Variants in BBS7 observed in about 807,000 individuals in gnomAD.
BBS7 encodes BBSome complex member BBS7.
Under a neutral mutation model 90.3 loss-of-function variants are expected in BBS7, and 50 were observed. The observed-to-expected ratio is 0.55, with a 90% confidence interval of 0.44 to 0.70. The LOEUF (loss-of-function observed/expected upper bound fraction) is 0.70, where lower values mean the gene tolerates loss of function less well. Among genes scored for constraint, BBS7 ranks in the 30% least tolerant of loss-of-function variants. The probability of loss-of-function intolerance (pLI) is 0.00; values close to 1 mark genes in which losing one functional copy is unlikely to be tolerated. For synonymous variants in BBS7, 235 were observed against 287.4 expected, an observed-to-expected ratio of 0.82 and a Z score of 1.85; for missense variants, 729 against 838.9, an observed-to-expected ratio of 0.87 and a Z score of 1.62.
intron 1 of BBS7, among the ~76,000 whole-genome samples, chr4:121,868,306 C>T (rs1265260347): frequency 6.6e-6 from 1 of 152,108 alleles, no homozygotes; most frequent in Non-Finnish European, 1.5e-5. Flanking sequence ...TAAAAAATAT[C>T]TCTAGAAGCC....
intron 12 of BBS7, among the ~76,000 whole-genome samples, chr4:121,842,249 CTCA>C (rs1725775898): frequency 1.0e-4 from 10 of 96,272 alleles, no homozygotes; most frequent in African/African-American, 4.7e-4. Context: ...GAGACTCCAT[CTCA>C]AAAAAAAAAA....
chr4:121,835,307 T>C (rs767303895), intron 13 of BBS7, 24 bp from the exon 14 acceptor site: 2 of 1,612,608 alleles, frequency 1.2e-6, no homozygotes, highest in South Asian at 2.2e-5. Context: ...AAAGAGGAAA[T>C]AAAATAAGAA....
intron 13 of BBS7, among the ~76,000 whole-genome samples, chr4:121,836,646 A>G (rs1424485152): frequency 1.3e-5 from 2 of 152,216 alleles, no homozygotes; most frequent in East Asian, 3.8e-4. Flanking sequence ...TTCTACAAGC[A>G]ATGCTGCAAT....
Position 121,855,496 on chromosome 4 carries a change from T to C in BBS7, c.594A>G (p.Gly198=). Residue 198 remains glycine, a synonymous_variant, in exon 6 of 19, where the codon GGA becomes GGG. Transcript: ENST00000264499. The stretch of plus-strand genomic sequence containing the variant: ...AAATAAAATCCTGATTACCGCCATT[T>C]CCATTGTGTAGTGCTAAGACAGTAG... ...GPPTVLALHN[G]NGGDSGEDLL... The C allele has an allele frequency of 6.2e-7, 1 of 1,613,352 alleles. No individual in the cohort carries two copies. Among genetic ancestry groups the C allele is most frequent in the Non-Finnish European group, 8.5e-7 (1 of 1,179,422 alleles).
At chr4:121,850,448 G>C (rs1726259656) in intron 8 of BBS7, among the ~76,000 whole-genome samples, 1 of 152,148 alleles carries the variant, frequency 6.6e-6, no homozygotes, top group Admixed American at 6.5e-5. Context: ...TTACAGGTGT[G>C]AGCCACTGTG....
At chr4:121,845,992 A>G (rs1725993758) in intron 10 of BBS7, among the ~76,000 whole-genome samples, 1 of 152,220 alleles carries the variant, frequency 6.6e-6, no homozygotes, top group Non-Finnish European at 1.5e-5. Context: ...GAATCTTGTT[A>G]CAGTTACATA....
chr4:121,861,996 G>T (rs1278472109), intron 3 of BBS7, among the ~76,000 whole-genome samples: 3 of 152,114 alleles, frequency 2.0e-5, no homozygotes, highest in African/African-American at 7.2e-5. Context: ...AACTGAATGA[G>T]AATCTGTATT....
At chr4:121,837,094 G>C (rs1242017750) in intron 13 of BBS7, among the ~76,000 whole-genome samples, 3 of 151,930 alleles carry the variant, frequency 2.0e-5, no homozygotes, top group African/African-American at 7.3e-5. Flanking sequence ...CAAGTAGCTG[G>C]GATTACAGAT....
chr4:121,827,689 C>T, intron 18 of BBS7: 1 of 743,886 alleles, frequency 1.3e-6, no homozygotes, highest in Non-Finnish European at 1.6e-6. Flanking sequence ...CAGCTTCTCA[C>T]CACCAAAGTT....
chr4:121,835,210 T>A lies in BBS7; in HGVS notation c.1445A>T (p.Gln482Leu). 1 of 1,613,928 alleles carries A rather than the reference T, an allele frequency of 6.2e-7. No homozygotes were observed. ...VTPRIQPKTC[Q>L]VRQYHIKPLS... ...AGGTTTGATGTGGTACTGGCGGACC[T>A]GACAGGTTTTGGGTTGAATTCTTGG... The change falls in exon 14 of 19, where the codon CAG becomes CTG. Residue 482 changes from glutamine (Q) to leucine (L), a missense_variant. Physicochemically the swap from Gln to Leu is moderately radical, Grantham distance 113 (BLOSUM62 -2). Transcript: ENST00000264499.
chr4:121,858,308 T>C (rs981465923), intron 5 of BBS7, among the ~76,000 whole-genome samples: 3 of 152,126 alleles, frequency 2.0e-5, no homozygotes, highest in African/African-American at 7.2e-5. Context: ...CTGTTTCTGA[T>C]ACAGTTCATC....
At position 121,870,468 on chromosome 4, in the gene BBS7, C is replaced by G. The variant is rs1473205214; in HGVS notation, c.-155G>C. On this transcript the variant is annotated 5_prime_UTR_variant, in exon 1 of 19. Coordinates refer to ENST00000264499, the MANE Select transcript of BBS7 (RefSeq NM_176824.3). ...TAGGTCCTGGGCTGCACAGGCGGGG[C>G]GACAGGGCAGTGGCGTCCTGCGTGA... is the stretch of plus-strand genomic sequence containing the variant. 3.8e-6 allele frequency: 3 copies of G among 783,962 alleles called. No homozygotes were observed. Among genetic ancestry groups the G allele is most frequent in the Non-Finnish European group, 6.5e-6 (3 of 458,328 alleles). The allele number at this position is 783,962 out of a possible 1,614,324, so 48.6% of individuals were successfully genotyped here. A position where few individuals can be genotyped will look rare whatever the true frequency, so the allele number is the denominator to read the frequency against.
At chr4:121,859,239 A>AT (rs748118680) in intron 4 of BBS7, 61 bp from the exon 5 acceptor site, 47 of 1,418,902 alleles carry the variant, frequency 3.3e-5, no homozygotes, top group Non-Finnish European at 4.6e-5. Flanking sequence ...TTTTTCAGAG[A>AT]TAAAAACAGA....
At chr4:121,837,045 C>T (rs767299290) in intron 13 of BBS7, among the ~76,000 whole-genome samples, 4 of 152,096 alleles carry the variant, frequency 2.6e-5, no homozygotes, top group Admixed American at 6.6e-5. Context: ...CTGCAACCTC[C>T]GTCTCCTGGG....
In BBS7 at chr4:121,848,913, C is replaced by T. The variant is rs200770952; in HGVS notation, c.865G>A (p.Val289Ile). ...LRFDQMLSES[V>I]TSIQGGCVGK... ...ACACAACCACCCTGGATAGATGTGACGCTTTCAGACAACATCTAAAAAAGT... is the reference window on the plus strand; with the variant it reads ...ACACAACCACCCTGGATAGATGTGATGCTTTCAGACAACATCTAAAAAAGT... The change falls in exon 9 of 19, where the codon GTC (valine) becomes ATC (isoleucine). Residue 289 changes from valine to isoleucine, a missense_variant. Val to Ile is a conservative substitution (Grantham distance 29). Transcript: ENST00000264499. 149 of 1,613,752 alleles carry T rather than the reference C, an allele frequency of 9.2e-5. 1 individual carries two copies. The highest frequency in any genetic ancestry group is 2.9e-4 in the South Asian group (26 of 91,082).
chr4:121,836,626 A>G (rs1725462631), intron 13 of BBS7, among the ~76,000 whole-genome samples: 1 of 152,088 alleles, frequency 6.6e-6, no homozygotes, highest in South Asian at 2.1e-4. Context: ...CCTTAGTTCT[A>G]CTTTTCTGCT....
rs554465414 is a variant in BBS7 at position 121,841,571 on chromosome 4, A to T, written c.1306-1875T>A. ...ACACAGTAAGACCCCCATCTTTTAA[A>T]AAAAAAAAAGACTAACCATATGTTG... On this transcript the variant is annotated intron_variant, in intron 12 of 18. Coordinates refer to ENST00000264499, the MANE Select transcript of BBS7 (RefSeq NM_176824.3). 1.7e-3 allele frequency among the ~76,000 whole-genome samples: 261 copies of T among 151,132 alleles called. 1 individual carries two copies. The highest frequency in any genetic ancestry group is 4.7e-3 in the African/African-American group (194 of 41,060).
At chr4:121,843,378 G>A (rs1182218793) in intron 12 of BBS7, among the ~76,000 whole-genome samples, 3 of 152,134 alleles carry the variant, frequency 2.0e-5, no homozygotes, top group Non-Finnish European at 4.4e-5. Context: ...AGTAGTTCAA[G>A]CAAGACATGA....
In BBS7 at chr4:121,845,486, A is replaced by G. The variant is rs750801316; in HGVS notation, c.1230+18T>C. The G allele has an allele frequency of 2.8e-4, 444 of 1,597,278 alleles. 4 individuals carry two copies. The highest frequency in any genetic ancestry group is 4.3e-5 in the Non-Finnish European group (50 of 1,167,308). On this transcript the variant is annotated intron_variant, in intron 11 of 18. Coordinates refer to ENST00000264499, the MANE Select transcript of BBS7 (RefSeq NM_176824.3). ...ATAGATCCAGTCATAAAACTAAGAA[A>G]TTAGACATTTTGCTTACCTGTATTA...
Sources: allele counts gnomAD v4.1 joint callset (sites outside exome capture counted in the v4.1 genomes callset), GRCh38; gene constraint gnomAD v4.1.1; transcripts MANE v1.5; gene names NCBI Gene and HGNC (gene_info 2026-07-23, HGNC 2026-07-21).